The following SAMSN1 variants were observed in gnomAD, a reference collection of about 807,000 sequenced individuals.
The protein encoded by SAMSN1 is SAM domain, SH3 domain and nuclear localization signals 1.
In SAMSN1, 31 loss-of-function variants were observed where a neutral mutation model predicts 42.0. That is an observed-to-expected ratio of 0.74 (90% CI 0.55 to 1.00). The LOEUF (loss-of-function observed/expected upper bound fraction) is 1.00, where lower values mean the gene tolerates loss of function less well. Among genes scored for constraint, SAMSN1 ranks in the 50% least tolerant of loss-of-function variants. SAMSN1 has a pLI of 0.00. For synonymous variants in SAMSN1, 178 were observed against 151.9 expected, an observed-to-expected ratio of 1.17 and a Z score of -1.26; for missense variants, 464 against 439.4, an observed-to-expected ratio of 1.06 and a Z score of -0.50.
intron 1 of SAMSN1, among the ~76,000 whole-genome samples, chr21:14,649,182 C>A (rs1284506100): frequency 6.7e-6 from 1 of 148,988 alleles, no homozygotes; most frequent in African/African-American, 2.5e-5. Context: ...ACAAAAAACC[C>A]AACACAGCAT....
At position 14,508,276 on chromosome 21, in the gene SAMSN1, C is replaced by G. The variant is rs147097835; in HGVS notation, c.561+2034G>C. On this transcript the variant is annotated intron_variant, in intron 5 of 7. Transcript: ENST00000400566. ...GTCAGCAGAGCAAACAGACAACCCA[C>G]AGGGTGGGAAAAAATTTTCACAATC... Among the ~76,000 whole-genome samples the G allele has an allele frequency of 3.0e-3, 451 of 152,238 alleles. 3 individuals carry two copies. Among genetic ancestry groups the G allele is most frequent in the African/African-American group, 0.01 (425 of 41,534 alleles).
intron 2 of SAMSN1, among the ~76,000 whole-genome samples, chr21:14,635,343 G>GA (rs1983441034): frequency 6.6e-6 from 1 of 151,974 alleles, no homozygotes; most frequent in Non-Finnish European, 1.5e-5. Context: ...AACTTAAAGT[G>GA]AAAAAAATTT....
chr21:14,534,658 G>A (rs1284178369), intron 1 of SAMSN1, among the ~76,000 whole-genome samples: 1 of 152,010 alleles, frequency 6.6e-6, no homozygotes, highest in Non-Finnish European at 1.5e-5. Flanking sequence ...TGGGATTACA[G>A]GTGCCCGCCA....
intron 1 of SAMSN1, among the ~76,000 whole-genome samples, chr21:14,540,229 T>C (rs1979921489): frequency 6.6e-6 from 1 of 152,296 alleles, no homozygotes; most frequent in Non-Finnish European, 1.5e-5. Flanking sequence ...GACATAGGCA[T>C]GGGCAAGGAC....
At chr21:14,563,419 C>A (rs1264705331) in intron 2 of SAMSN1, among the ~76,000 whole-genome samples, 1 of 152,142 alleles carries the variant, frequency 6.6e-6, no homozygotes, top group African/African-American at 2.4e-5. Context: ...AATTAAGACT[C>A]TGTAAGTATG....
intron 2 of SAMSN1, among the ~76,000 whole-genome samples, chr21:14,556,437 C>T (rs1980763996): frequency 6.6e-6 from 1 of 152,064 alleles, no homozygotes; most frequent in Admixed American, 6.6e-5. Context: ...AATCAAATTT[C>T]CTATGTATAT....
intron 6 of SAMSN1, among the ~76,000 whole-genome samples, chr21:14,594,260 T>A (rs1157321833): frequency 2.6e-5 from 4 of 152,184 alleles, no homozygotes; most frequent in African/African-American, 9.7e-5. Context: ...TCTGCATATA[T>A]ACACATATAT....
intron 2 of SAMSN1, among the ~76,000 whole-genome samples, chr21:14,622,886 C>T (rs1207355194): frequency 1.3e-5 from 2 of 152,164 alleles, no homozygotes; most frequent in Non-Finnish European, 2.9e-5. Flanking sequence ...TCAGGTTACC[C>T]ACAAAGGGAA....
chr21:14,561,674 A>G (rs771818607), intron 2 of SAMSN1, among the ~76,000 whole-genome samples: 17 of 152,212 alleles, frequency 1.1e-4, no homozygotes, highest in Non-Finnish European at 2.4e-4. Flanking sequence ...CTCTTTGGAA[A>G]TACGATTGTT....
At chr21:14,539,394 C>T (rs1379941590) in intron 1 of SAMSN1, among the ~76,000 whole-genome samples, 3 of 151,992 alleles carry the variant, frequency 2.0e-5, no homozygotes, top group Non-Finnish European at 2.9e-5. Context: ...CTAGAAAACC[C>T]CATTATCTCA....
chr21:14,508,444 C>T (rs1183104208), intron 5 of SAMSN1, among the ~76,000 whole-genome samples: 1 of 152,084 alleles, frequency 6.6e-6, no homozygotes, highest in African/African-American at 2.4e-5. Context: ...GGCCAACAAA[C>T]ACATGAAAAA....
chr21:14,512,594 G>A (rs773615476), intron 3 of SAMSN1, 21 bp from the exon 4 acceptor site: 1 of 1,612,542 alleles, frequency 6.2e-7, no homozygotes, highest in Non-Finnish European at 8.5e-7. Context: ...CATATCAGAG[G>A]TTAGGTACAG....
At chr21:14,605,959 A>G (rs1419738923) in intron 5 of SAMSN1, among the ~76,000 whole-genome samples, 3 of 151,722 alleles carry the variant, frequency 2.0e-5, no homozygotes, top group Non-Finnish European at 4.4e-5. Context: ...CTCCTTCCTC[A>G]GCCTCCCTAG....
rs140306030 is a variant in SAMSN1, at chr21:14,489,133, G to T, written c.920-3019C>A. Among the ~76,000 whole-genome samples, 6 of 152,152 alleles carry T rather than the reference G, an allele frequency of 3.9e-5. No individual in the cohort carries two copies. The East Asian group carries it at 1.2e-3, about 29-fold the overall frequency. On this transcript the variant is annotated intron_variant, in intron 7 of 7. Coordinates refer to ENST00000400566, the MANE Select transcript of SAMSN1 (RefSeq NM_022136.5). ...CTAAGTCATTTAGTCCCTTCATGTG[G>T]CCATGAAACAGAGTAAAGCTAACTG...
chr21:14,656,077 A>G (rs1983911137), intron 1 of SAMSN1, among the ~76,000 whole-genome samples: 1 of 151,824 alleles, frequency 6.6e-6, no homozygotes, highest in Non-Finnish European at 1.5e-5. Flanking sequence ...GAATTGAATA[A>G]AGAGTTATCT....
intron 2 of SAMSN1, among the ~76,000 whole-genome samples, chr21:14,567,054 C>T (rs1314581210): frequency 6.6e-6 from 1 of 152,034 alleles, no homozygotes; most frequent in African/African-American, 2.4e-5. Context: ...GACTTTTGCT[C>T]CTCAATGATT....
At chr21:14,638,109 C>A (rs992406785) in intron 2 of SAMSN1, among the ~76,000 whole-genome samples, 2 of 152,168 alleles carry the variant, frequency 1.3e-5, no homozygotes, top group Non-Finnish European at 2.9e-5. Context: ...TATATACATT[C>A]CCGCAAAGCT....
At chr21:14,558,142 T>C (rs78101975) in intron 2 of SAMSN1, among the ~76,000 whole-genome samples, 2,359 of 152,270 alleles carry the variant, frequency 0.015, 37 homozygotes, top group Middle Eastern at 0.051. Context: ...AGCACTAGCA[T>C]AGAACCTGGC....
At chr21:14,623,515 G>C (rs186329569) in intron 2 of SAMSN1, among the ~76,000 whole-genome samples, 1 of 152,072 alleles carries the variant, frequency 6.6e-6, no homozygotes, top group Non-Finnish European at 1.5e-5. Flanking sequence ...AACAAAGATC[G>C]AAAGAGACAA....
Sources: allele counts gnomAD v4.1 joint callset (sites outside exome capture counted in the v4.1 genomes callset), GRCh38; gene constraint gnomAD v4.1.1; transcripts MANE v1.5; gene names NCBI Gene and HGNC (gene_info 2026-07-23, HGNC 2026-07-21).